The following KCNB2 variants were observed in gnomAD, a reference collection of about 807,000 sequenced individuals.
KCNB2 encodes delayed rectifier potassium channel protein.
A neutral mutation model predicts 61.5 loss-of-function variants in KCNB2; 15 were observed. That is an observed-to-expected ratio of 0.24 (90% CI 0.16 to 0.38). The LOEUF is 0.38. KCNB2 is among the 10% of genes least tolerant of loss of function. The pLI is 1.00. For missense variants in KCNB2, 828 were observed against 1,125.2 expected (o/e 0.74, Z 3.78); for synonymous variants, 457 against 446.0 (o/e 1.02, Z -0.31).
At chr8:72,903,196 C>T (rs1020848114) in intron 2 of KCNB2, among the ~76,000 whole-genome samples, 9 of 152,108 alleles carry the variant, frequency 5.9e-5, no homozygotes, top group Admixed American at 5.9e-4. Flanking sequence ...GATGTGAGGA[C>T]AAGTGGTTTA....
At chr8:72,722,850 G>A (rs1316829208) in intron 2 of KCNB2, among the ~76,000 whole-genome samples, 1 of 152,110 alleles carries the variant, frequency 6.6e-6, no homozygotes, top group African/African-American at 2.4e-5. Flanking sequence ...AGTATTTAGT[G>A]CCTGCTATGG....
intron 2 of KCNB2, among the ~76,000 whole-genome samples, chr8:72,725,226 T>C (rs773449914): frequency 5.3e-5 from 8 of 152,054 alleles, no homozygotes; most frequent in Non-Finnish European, 8.8e-5. Flanking sequence ...TCAAACAGGG[T>C]ATTTGTGGTA....
intron 1 of KCNB2, among the ~76,000 whole-genome samples, chr8:72,539,723 T>G (rs1806163600): frequency 1.3e-5 from 2 of 152,214 alleles, no homozygotes; most frequent in Non-Finnish European, 2.9e-5. Context: ...CCAAATAGAA[T>G]CAATCCATGC....
intron 2 of KCNB2, among the ~76,000 whole-genome samples, chr8:72,735,672 A>G (rs1281135982): frequency 6.6e-6 from 1 of 152,208 alleles, no homozygotes; most frequent in Non-Finnish European, 1.5e-5. Flanking sequence ...TTTGCTTAGT[A>G]TATTAAGAAG....
intron 2 of KCNB2, among the ~76,000 whole-genome samples, chr8:72,905,567 G>A (rs1188521938): frequency 2.0e-5 from 3 of 152,160 alleles, no homozygotes; most frequent in East Asian, 1.9e-4. Flanking sequence ...AGGGTGGAGG[G>A]GTCACTCGGT....
At position 72,705,400 on chromosome 8, in the gene KCNB2, A is replaced by G. The variant is rs148600248; in HGVS notation, c.579+137087A>G. Among the ~76,000 whole-genome samples, 25 of 152,326 alleles carry G rather than the reference A, an allele frequency of 1.6e-4. 1 individual carries two copies. In the East Asian group the frequency reaches 4.4e-3, roughly 27 times the overall value. On this transcript the variant is annotated intron_variant, in intron 2 of 2. Transcript: ENST00000523207. ...TTCATCAAGGAATTCCCTCCCATAC[A>G]TGGTCCAATCCAGTTTATCTGATAG... is the stretch of plus-strand genomic sequence containing the variant.
At chr8:72,870,558 G>A (rs1240396096) in intron 2 of KCNB2, among the ~76,000 whole-genome samples, 2 of 152,184 alleles carry the variant, frequency 1.3e-5, no homozygotes, top group East Asian at 3.9e-4. Context: ...GTCCCATAAT[G>A]GGAAACAGTA....
At chr8:72,678,408 C>T (rs991997366) in intron 2 of KCNB2, among the ~76,000 whole-genome samples, 9 of 152,158 alleles carry the variant, frequency 5.9e-5, no homozygotes, top group Admixed American at 2.6e-4. Flanking sequence ...GTGACTGTTT[C>T]TTCACTCATT....
At chr8:72,772,620 G>C (rs1334722692) in intron 2 of KCNB2, among the ~76,000 whole-genome samples, 1 of 152,082 alleles carries the variant, frequency 6.6e-6, no homozygotes, top group African/African-American at 2.4e-5. Context: ...TAAGCACCAG[G>C]TCTTTTCTGG....
chr8:72,677,987 G>A (rs527699977), intron 2 of KCNB2, among the ~76,000 whole-genome samples: 1 of 152,158 alleles, frequency 6.6e-6, no homozygotes, highest in African/African-American at 2.4e-5. Flanking sequence ...TCTGTTACTA[G>A]ACATCTATGT....
intron 2 of KCNB2, among the ~76,000 whole-genome samples, chr8:72,712,889 G>T (rs548046026): frequency 6.6e-6 from 1 of 152,312 alleles, no homozygotes; most frequent in African/African-American, 2.4e-5. Flanking sequence ...AAGTGCAAGG[G>T]GTCAGGGAAT....
chr8:72,856,439 C>CA (rs1419498234), intron 2 of KCNB2, among the ~76,000 whole-genome samples: 3 of 151,430 alleles, frequency 2.0e-5, no homozygotes, highest in Admixed American at 6.6e-5. Flanking sequence ...TCAGCAACCA[C>CA]AAAAAAAGAA....
intron 2 of KCNB2, among the ~76,000 whole-genome samples, chr8:72,934,374 C>T (rs901341539): frequency 1.6e-5 from 2 of 123,694 alleles, no homozygotes; most frequent in Non-Finnish European, 3.4e-5. Context: ...AGAACAAAAC[C>T]TTTCCCCCTT....
intron 2 of KCNB2, among the ~76,000 whole-genome samples, chr8:72,833,093 G>C (rs552574604): frequency 6.6e-6 from 1 of 152,184 alleles, no homozygotes; most frequent in African/African-American, 2.4e-5. Context: ...AATGCATAAG[G>C]TTTGACAAGG....
chr8:72,756,292 A>G (rs957778822), intron 2 of KCNB2, among the ~76,000 whole-genome samples: 15 of 152,022 alleles, frequency 9.9e-5, no homozygotes, highest in African/African-American at 3.4e-4. Flanking sequence ...CTGTCTCCCT[A>G]TACCCTGTCC....
chr8:72,830,737 T>G (rs1339105355), intron 2 of KCNB2, among the ~76,000 whole-genome samples: 5 of 152,214 alleles, frequency 3.3e-5, no homozygotes, highest in Admixed American at 6.5e-5. Context: ...CCAGAACTAG[T>G]AATCAACACC....
rs1360771716 is a variant in KCNB2, at chr8:72,609,282, GC to G, written c.579+40970del. 9.2e-5 allele frequency among the ~76,000 whole-genome samples: 14 copies of G among 152,306 alleles called. No homozygotes were observed. In the South Asian group the frequency reaches 2.9e-3, roughly 32 times the overall value. On this transcript the variant is annotated intron_variant, in intron 2 of 2. Transcript: ENST00000523207. ...TGCATGTAGCACATAGGACAATATA[GC>G]AGTAGTTGATGATTATTTGCTTTCA... is the stretch of plus-strand genomic sequence containing the variant.
chr8:72,845,782 C>T (rs1054930552), intron 2 of KCNB2, among the ~76,000 whole-genome samples: 43 of 38,646 alleles, frequency 1.1e-3, no homozygotes, highest in Non-Finnish European at 3.6e-3. Context: ...GGCAGATGCC[C>T]CTCCCCCCCA....
chr8:72,732,556 T>C (rs1277484336), intron 2 of KCNB2, among the ~76,000 whole-genome samples: 1 of 152,240 alleles, frequency 6.6e-6, no homozygotes, highest in Non-Finnish European at 1.5e-5. Context: ...TTTCAAAGGA[T>C]TTTTGACTGC....
Sources: gnomAD v4.1 joint callset for allele counts (sites outside exome capture counted in the v4.1 genomes callset) on GRCh38, gnomAD v4.1.1 for gene constraint, MANE v1.5 for transcripts, NCBI Gene and HGNC (gene_info 2026-07-23, HGNC 2026-07-21) for gene names.